The following TTC23L variants were observed in gnomAD, a reference collection of about 807,000 sequenced individuals.
The protein encoded by TTC23L is tetratricopeptide repeat protein 23-like.
TTC23L carries 42 observed loss-of-function variants against 48.1 expected under a neutral mutation model. The observed-to-expected ratio is 0.87, with a 90% CI of 0.68 to 1.13. The LOEUF (loss-of-function observed/expected upper bound fraction) is 1.13, where lower values mean the gene tolerates loss of function less well. Among genes scored for constraint, TTC23L ranks in the 50% most tolerant of loss-of-function variants. The pLI is 0.00. For synonymous variants in TTC23L, 159 were observed against 157.2 expected, an observed-to-expected ratio of 1.01 and a Z score of -0.09; for missense variants, 391 against 421.0, an observed-to-expected ratio of 0.93 and a Z score of 0.62.
chr5:34,843,613 C>T (rs1368466787), intron 2 of TTC23L, among the ~76,000 whole-genome samples: 1 of 152,182 alleles, frequency 6.6e-6, no homozygotes, highest in Non-Finnish European at 1.5e-5. Flanking sequence ...AACTTCTGCT[C>T]TAGGTCTGTG....
intron 3 of TTC23L, among the ~76,000 whole-genome samples, chr5:34,848,103 G>A (rs1386683726): frequency 6.6e-6 from 1 of 152,070 alleles, no homozygotes; most frequent in African/African-American, 2.4e-5. Flanking sequence ...AGATCAAAGT[G>A]GCCTGCCCCA....
intron 4 of TTC23L, among the ~76,000 whole-genome samples, chr5:34,856,705 A>T (rs1432227344): frequency 6.6e-6 from 1 of 152,254 alleles, no homozygotes; most frequent in African/African-American, 2.4e-5. Flanking sequence ...ATAAAGAGTT[A>T]GCAAAGAATC....
intron 8 of TTC23L, among the ~76,000 whole-genome samples, chr5:34,870,986 C>A (rs1237608744): frequency 6.6e-6 from 1 of 152,148 alleles, no homozygotes; most frequent in African/African-American, 2.4e-5. Flanking sequence ...ACCAAAAACC[C>A]TGCAGCTGAT....
chr5:34,881,595 T>C (rs1457484188), intron 9 of TTC23L, among the ~76,000 whole-genome samples: 1 of 152,144 alleles, frequency 6.6e-6, no homozygotes, highest in East Asian at 1.9e-4. Context: ...TAAGTAAAAA[T>C]TTATTTCCAG....
At chr5:34,870,458 A>C (rs1761376939) in intron 8 of TTC23L, among the ~76,000 whole-genome samples, 1 of 152,210 alleles carries the variant, frequency 6.6e-6, no homozygotes, top group African/African-American at 2.4e-5. Context: ...TTTTTAATAA[A>C]TTTGTAGTTT....
chr5:34,919,370 G>GT, the TTC23L span, among the ~76,000 whole-genome samples: 1 of 151,348 alleles, frequency 6.6e-6, no homozygotes, highest in Non-Finnish European at 1.5e-5. Context: ...GTGCTTTGGG[G>GT]TTTTTTTGTT....
rs112537180 is a variant in TTC23L, at chr5:34,866,651, A to T, written c.663-241A>T. ...GAAGCCATTTTTCCATTTGCTTTTT[A>T]AAAAAAATTAGACAACAGCACGACA... On this transcript the variant is annotated intron_variant, in intron 6 of 10. Transcript: ENST00000505624. 3.9e-3 allele frequency among the ~76,000 whole-genome samples: 560 copies of T among 141,886 alleles called. 2 individuals carry two copies. Among genetic ancestry groups the T allele is most frequent in the Non-Finnish European group, 6.6e-3 (408 of 62,008 alleles). The allele number at this position is 141,886 out of a possible 152,430, so 93.1% of individuals were successfully genotyped here.
chr5:34,873,285 T>C (rs1453216156), intron 8 of TTC23L, among the ~76,000 whole-genome samples: 2 of 152,228 alleles, frequency 1.3e-5, no homozygotes, highest in Admixed American at 1.3e-4. Flanking sequence ...TATCCACACA[T>C]ACATGCAGTC....
At chr5:34,896,424 C>T (rs557860) in intron 9 of TTC23L, among the ~76,000 whole-genome samples, 33,946 of 152,056 alleles carry the variant, frequency 0.22, 4,506 homozygotes, top group East Asian at 0.36. Flanking sequence ...GAGCACTGTA[C>T]TCTGAGTCAA....
chr5:34,914,427 G>T, the TTC23L span: 1 of 447,328 alleles, frequency 2.2e-6, no homozygotes, highest in Admixed American at 3.8e-5. Context: ...CTAGCCAATA[G>T]CCTAGTTTAA....
intron 10 of TTC23L, among the ~76,000 whole-genome samples, 180 bp downstream of exon 10, chr5:34,897,055 G>T (rs947209045): frequency 2.6e-5 from 4 of 151,956 alleles, no homozygotes; most frequent in Non-Finnish European, 5.9e-5. Flanking sequence ...AAGTGACACA[G>T]GTTACTTTTC....
intron 8 of TTC23L, among the ~76,000 whole-genome samples, chr5:34,878,784 A>G (rs552402023): frequency 4.6e-4 from 70 of 152,332 alleles, no homozygotes; most frequent in South Asian, 4.3e-3. Flanking sequence ...AACAGTACGG[A>G]GATTTCTCAA....
the TTC23L span, chr5:34,916,014 G>A: frequency 7.8e-7 from 1 of 1,279,732 alleles, no homozygotes; most frequent in Non-Finnish European, 1.0e-6. Context: ...GTTAACGGTA[G>A]GTCGGTTTTA....
At chr5:34,868,995 G>A in exon 8 of TTC23L, 1 of 1,608,106 alleles carries the variant, frequency 6.2e-7, no homozygotes, top group South Asian at 1.1e-5. Flanking sequence ...TGCCATGTCT[G>A]GAGAGGCCCA....
chr5:34,840,841 G>A (rs557272101), intron 2 of TTC23L, 102 bp downstream of exon 2: 3 of 1,084,690 alleles, frequency 2.8e-6, no homozygotes, highest in Admixed American at 3.4e-5. Flanking sequence ...CATGAGAAGC[G>A]TTCACGACCA....
chr5:34,855,161 GGGTA>G (rs1390885872), intron 4 of TTC23L, among the ~76,000 whole-genome samples: 11 of 50,364 alleles, frequency 2.2e-4, no homozygotes, highest in Non-Finnish European at 2.3e-4. Context: ...GAAAGGAGAA[GGGTA>G]CATTGGGCAG....
At chr5:34,845,217 G>C (rs954360304) in intron 2 of TTC23L, among the ~76,000 whole-genome samples, 1 of 152,206 alleles carries the variant, frequency 6.6e-6, no homozygotes, top group Non-Finnish European at 1.5e-5. Context: ...TCATTTTACA[G>C]AGAAGTAAAT....
At chr5:34,862,048 T>C in intron 4 of TTC23L, among the ~76,000 whole-genome samples, 1 of 152,194 alleles carries the variant, frequency 6.6e-6, no homozygotes, top group East Asian at 1.9e-4. Flanking sequence ...GATAACCTGC[T>C]TCTGGGTTAG....
At chr5:34,879,104 A>C (rs1370913347) in intron 8 of TTC23L, among the ~76,000 whole-genome samples, 1 of 152,232 alleles carries the variant, frequency 6.6e-6, no homozygotes, top group Non-Finnish European at 1.5e-5. Context: ...CAGAAAGTCA[A>C]GTATCAAGGT....
Sources: allele counts gnomAD v4.1 joint callset (sites outside exome capture counted in the v4.1 genomes callset), GRCh38; gene constraint gnomAD v4.1.1; transcripts MANE v1.5; gene names NCBI Gene and HGNC (gene_info 2026-07-23, HGNC 2026-07-21).